The following MECOM variants were observed in gnomAD, a reference collection of about 807,000 sequenced individuals.
The protein encoded by MECOM is MDS1 and EVI1 complex locus.
Under a neutral mutation model 116.3 loss-of-function variants are expected in MECOM, and 13 were observed. The ratio of observed to expected loss-of-function variants is 0.11; its 90% CI spans 0.07 to 0.18. The LOEUF is 0.18. Among genes scored for constraint, MECOM ranks in the 10% least tolerant of loss-of-function variants. The pLI, the probability that MECOM is intolerant of heterozygous loss-of-function variation, is 1.00. For missense variants in MECOM, 1,299 were observed against 1,509.0 expected (o/e 0.86, Z 2.31); for synonymous variants, 528 against 535.2 (o/e 0.99, Z 0.19).
chr3:169,386,198 A>C (rs564524925), intron 1 of MECOM, among the ~76,000 whole-genome samples: 16 of 152,358 alleles, frequency 1.1e-4, no homozygotes, highest in Middle Eastern at 3.4e-3. Context: ...TTTTGGAAAC[A>C]TATCAGAACC....
At chr3:169,475,706 T>G (rs1750253899) in intron 1 of MECOM, among the ~76,000 whole-genome samples, 1 of 152,120 alleles carries the variant, frequency 6.6e-6, no homozygotes. Flanking sequence ...TTGTAATCCT[T>G]TCCATAGTCT....
At chr3:169,302,604 C>T (rs1378375690) in intron 2 of MECOM, among the ~76,000 whole-genome samples, 1 of 152,104 alleles carries the variant, frequency 6.6e-6, no homozygotes, top group Non-Finnish European at 1.5e-5. Context: ...GTGGATCATG[C>T]CTGTAATCCC....
At chr3:169,210,628 A>T (rs1427320724) in intron 2 of MECOM, among the ~76,000 whole-genome samples, 1 of 152,098 alleles carries the variant, frequency 6.6e-6, no homozygotes, top group East Asian at 1.9e-4. Flanking sequence ...CTCCCTATCA[A>T]TTTTATTGAG....
intron 2 of MECOM, among the ~76,000 whole-genome samples, chr3:169,253,578 T>C (rs958954369): frequency 3.3e-5 from 5 of 152,118 alleles, no homozygotes; most frequent in Non-Finnish European, 5.9e-5. Flanking sequence ...AAGTATAAGA[T>C]ACATGCTTCT....
intron 1 of MECOM, among the ~76,000 whole-genome samples, chr3:169,600,732 G>A (rs1767741040): frequency 6.6e-6 from 1 of 152,080 alleles, no homozygotes; most frequent in Non-Finnish European, 1.5e-5. Context: ...TTCTCTTTTT[G>A]CTCTCCTTTA....
intron 2 of MECOM, among the ~76,000 whole-genome samples, chr3:169,303,185 C>G (rs1306548861): frequency 6.6e-6 from 1 of 152,130 alleles, no homozygotes. Context: ...AAATTCCAAG[C>G]CAATTGTCTG....
intron 9 of MECOM, among the ~76,000 whole-genome samples, chr3:169,111,276 T>C (rs891261967): frequency 1.3e-5 from 2 of 152,194 alleles, no homozygotes; most frequent in Non-Finnish European, 2.9e-5. Context: ...AATGGTTAAT[T>C]ACTAAATTGT....
intron 1 of MECOM, among the ~76,000 whole-genome samples, chr3:169,542,422 C>T (rs368676436): frequency 6.6e-6 from 1 of 152,004 alleles, no homozygotes; most frequent in Non-Finnish European, 1.5e-5. Context: ...GTAAACAATG[C>T]CCTGGGGATT....
At chr3:169,652,964 C>T (rs905657523) in intron 1 of MECOM, among the ~76,000 whole-genome samples, 1 of 152,188 alleles carries the variant, frequency 6.6e-6, no homozygotes, top group African/African-American at 2.4e-5. Context: ...ACTCCTTTGA[C>T]ATTCTCCAGA....
In MECOM at chr3:169,485,944, T is replaced by TATATATACTATATATGTATATATATA. The variant is rs1491555135; in HGVS notation, c.38-104421_38-104420insTATATATATACATATATAGTATATAT. Reference sequence around the variant, plus strand: ...ATATAGTATATATAGTATATATGTATGTATATATGTACATATATACTATAT... The same window carrying TATATATACTATATATGTATATATATA: ...ATATAGTATATATAGTATATATGTATATATATACTATATATGTATATATATAGTATATATGTACATATATACTATAT... On this transcript the variant is annotated intron_variant, in intron 1 of 16. Transcript: ENST00000651503. Among the ~76,000 whole-genome samples the TATATATACTATATATGTATATATATA allele has an allele frequency of 1.3e-3, 128 of 101,304 alleles. 1 individual carries two copies. The highest frequency in any genetic ancestry group is 9.2e-3 in the East Asian group (31 of 3,374). The allele number at this position is 101,304 out of a possible 152,430, so 66.5% of individuals were successfully genotyped here.
intron 1 of MECOM, among the ~76,000 whole-genome samples, chr3:169,658,618 T>C (rs1352332568): frequency 1.3e-5 from 2 of 152,102 alleles, no homozygotes; most frequent in African/African-American, 2.4e-5. Flanking sequence ...GAGCGAGGTG[T>C]AGGGGGCCCC....
intron 12 of MECOM, among the ~76,000 whole-genome samples, chr3:169,100,264 A>G (rs1215825198): frequency 1.3e-5 from 2 of 151,536 alleles, no homozygotes; most frequent in African/African-American, 4.9e-5. Context: ...ACACCTGGCT[A>G]ATTTTTGTAT....
At chr3:169,479,854 T>G (rs916032060) in intron 1 of MECOM, among the ~76,000 whole-genome samples, 5 of 152,204 alleles carry the variant, frequency 3.3e-5, no homozygotes, top group Non-Finnish European at 7.3e-5. Context: ...TCCCAGGCAC[T>G]GTGCCAGGCA....
At chr3:169,285,748 A>G (rs1713158171) in intron 2 of MECOM, among the ~76,000 whole-genome samples, 1 of 152,184 alleles carries the variant, frequency 6.6e-6, no homozygotes, top group Admixed American at 6.5e-5. Flanking sequence ...GTCTTAGCTG[A>G]GCGTTTTGGA....
chr3:169,303,374 A>C (rs1717113991), intron 2 of MECOM, among the ~76,000 whole-genome samples: 2 of 152,184 alleles, frequency 1.3e-5, no homozygotes, highest in African/African-American at 2.4e-5. Flanking sequence ...CTATTCATTC[A>C]TTTATTCAAT....
chr3:169,422,096 T>G (rs1739869282), intron 1 of MECOM, among the ~76,000 whole-genome samples: 1 of 152,140 alleles, frequency 6.6e-6, no homozygotes, highest in Non-Finnish European at 1.5e-5. Flanking sequence ...TAAAAAAAGA[T>G]AGATGTTATC....
intron 2 of MECOM, among the ~76,000 whole-genome samples, chr3:169,263,200 C>A (rs1757825155): frequency 7.0e-6 from 1 of 142,884 alleles, no homozygotes; most frequent in African/African-American, 2.6e-5. Context: ...GCAATCTCCA[C>A]TCATTGCAAG....
chr3:169,381,644 T>C (rs1394347885), intron 1 of MECOM, 120 bp from the exon 2 acceptor site: 4 of 746,068 alleles, frequency 5.4e-6, no homozygotes, highest in Admixed American at 3.1e-5. Flanking sequence ...ATTGTTACGA[T>C]GTGCCTTCAT....
At chr3:169,513,603 G>C (rs1373526678) in intron 1 of MECOM, among the ~76,000 whole-genome samples, 3 of 152,244 alleles carry the variant, frequency 2.0e-5, no homozygotes, top group African/African-American at 7.2e-5. Flanking sequence ...GCAGCGGGTA[G>C]AGGTAGAGGA....
Sources: gnomAD v4.1 joint callset for allele counts (sites outside exome capture counted in the v4.1 genomes callset) on GRCh38, gnomAD v4.1.1 for gene constraint, MANE v1.5 for transcripts, NCBI Gene and HGNC (gene_info 2026-07-23, HGNC 2026-07-21) for gene names.